CACNA2D3: variants seen among roughly 807,000 people sequenced by gnomAD.
CACNA2D3 encodes the protein calcium voltage-gated channel auxiliary subunit alpha2delta 3, also known as voltage-dependent calcium channel subunit alpha-2/delta-3.
A neutral mutation model predicts 160.6 loss-of-function variants in CACNA2D3; 60 were observed. The observed-to-expected ratio is 0.37, with a 90% confidence interval of 0.30 to 0.46. The LOEUF is 0.46. Ranked by LOEUF, CACNA2D3 falls within the 20% of genes least tolerant of loss-of-function variation. The probability of loss-of-function intolerance (pLI) is 1.00; values close to 1 mark genes in which losing one functional copy is unlikely to be tolerated. For synonymous variants in CACNA2D3, 558 were observed against 492.9 expected (o/e 1.13, Z -1.75); for missense variants, 1,205 against 1,365.0 (o/e 0.88, Z 1.85).
At chr3:54,540,355 C>G (rs943887980) in intron 5 of CACNA2D3, among the ~76,000 whole-genome samples, 9 of 152,178 alleles carry the variant, frequency 5.9e-5, no homozygotes, top group African/African-American at 2.2e-4. Flanking sequence ...TGCTGCTAAG[C>G]TTTTTAAAAA....
At chr3:54,620,746 G>A (rs1368524238) in intron 9 of CACNA2D3, among the ~76,000 whole-genome samples, 3 of 152,162 alleles carry the variant, frequency 2.0e-5, no homozygotes, top group South Asian at 2.1e-4. Flanking sequence ...GGCCCTGGGC[G>A]CTGTGAAGGG....
chr3:54,640,278 T>C (rs1452701815), intron 10 of CACNA2D3, among the ~76,000 whole-genome samples: 1 of 152,232 alleles, frequency 6.6e-6, no homozygotes, highest in Non-Finnish European at 1.5e-5. Flanking sequence ...GTGTGGGCAC[T>C]TAGCAAATAA....
intron 2 of CACNA2D3, among the ~76,000 whole-genome samples, chr3:54,205,977 T>C (rs537442970): frequency 1.3e-5 from 2 of 152,348 alleles, no homozygotes; most frequent in Admixed American, 6.5e-5. Context: ...TGGTGTTTAT[T>C]TGAAGTTTAA....
chr3:54,526,783 T>G (rs1015876111), intron 5 of CACNA2D3, among the ~76,000 whole-genome samples: 1 of 152,178 alleles, frequency 6.6e-6, no homozygotes, highest in Admixed American at 6.5e-5. Flanking sequence ...CTCCACCTCC[T>G]GGGTTCAAGT....
chr3:55,012,971 T>G (rs13323048), intron 34 of CACNA2D3, among the ~76,000 whole-genome samples: 1 of 152,050 alleles, frequency 6.6e-6, no homozygotes, highest in African/African-American at 2.4e-5. Flanking sequence ...AATAATATGG[T>G]GCTTCAGTTC....
chr3:54,434,163 G>A (rs900181630), intron 4 of CACNA2D3, among the ~76,000 whole-genome samples: 38 of 152,182 alleles, frequency 2.5e-4, no homozygotes, highest in African/African-American at 9.2e-4. Context: ...CTAGTGAAAC[G>A]AGCCTCCACT....
intron 27 of CACNA2D3, chr3:54,924,710 A>T (rs1228808653): frequency 1.2e-6 from 2 of 1,613,988 alleles, no homozygotes; most frequent in African/African-American, 1.3e-5. Flanking sequence ...AAAGCCTCAC[A>T]CTGGGCATGG....
intron 2 of CACNA2D3, among the ~76,000 whole-genome samples, chr3:54,159,945 C>A (rs920904540): frequency 6.6e-6 from 1 of 152,150 alleles, no homozygotes; most frequent in African/African-American, 2.4e-5. Context: ...AGATAACATA[C>A]AATTATTATT....
At chr3:54,847,812 C>T (rs1423261782) in intron 17 of CACNA2D3, among the ~76,000 whole-genome samples, 1 of 152,166 alleles carries the variant, frequency 6.6e-6, no homozygotes, top group Non-Finnish European at 1.5e-5. Flanking sequence ...GCACATTACC[C>T]ATCTCCAGGT....
intron 18 of CACNA2D3, 104 bp downstream of exon 18, chr3:54,871,726 C>A: frequency 1.3e-6 from 1 of 793,930 alleles, no homozygotes; most frequent in Non-Finnish European, 2.1e-6. Flanking sequence ...ACTGAAGGGA[C>A]ACCTGGCTAC....
intron 2 of CACNA2D3, among the ~76,000 whole-genome samples, chr3:54,261,890 A>G (rs571337283): frequency 6.6e-6 from 1 of 152,120 alleles, no homozygotes; most frequent in Non-Finnish European, 1.5e-5. Context: ...CGTGGTCCCC[A>G]TACTTCCCCC....
chr3:54,319,292 A>G (rs183647284), intron 2 of CACNA2D3, among the ~76,000 whole-genome samples: 60 of 152,224 alleles, frequency 3.9e-4, no homozygotes, highest in Non-Finnish European at 6.8e-4. Context: ...ATGTAGATTT[A>G]TATCTCAAAA....
At chr3:54,609,848 T>C (rs1698713172) in intron 9 of CACNA2D3, among the ~76,000 whole-genome samples, 1 of 152,214 alleles carries the variant, frequency 6.6e-6, no homozygotes, top group Non-Finnish European at 1.5e-5. Flanking sequence ...AATGTTGTTG[T>C]GTACATTTTC....
At chr3:55,021,160 T>G (rs576659402) in intron 35 of CACNA2D3, among the ~76,000 whole-genome samples, 222 of 152,290 alleles carry the variant, frequency 1.5e-3, no homozygotes, top group African/African-American at 5.1e-3. Flanking sequence ...GTGTATACAT[T>G]TACAACTATG....
intron 11 of CACNA2D3, among the ~76,000 whole-genome samples, chr3:54,647,686 A>G (rs529049374): frequency 3.3e-5 from 5 of 152,338 alleles, no homozygotes; most frequent in African/African-American, 1.2e-4. Flanking sequence ...AAAGCTGCCT[A>G]CCATCCAACA....
At chr3:54,137,276 G>A (rs758021148) in intron 2 of CACNA2D3, among the ~76,000 whole-genome samples, 1 of 152,190 alleles carries the variant, frequency 6.6e-6, no homozygotes, top group African/African-American at 2.4e-5. Context: ...CCACATACAC[G>A]TCTGCTTGTT....
intron 14 of CACNA2D3, among the ~76,000 whole-genome samples, chr3:54,832,192 T>G (rs946113307): frequency 6.6e-6 from 1 of 152,122 alleles, no homozygotes; most frequent in Non-Finnish European, 1.5e-5. Flanking sequence ...TTGCTCCTGG[T>G]TAGAAAAAGA....
intron 2 of CACNA2D3, among the ~76,000 whole-genome samples, chr3:54,180,978 T>A (rs943673824): frequency 5.3e-5 from 8 of 152,216 alleles, no homozygotes; most frequent in African/African-American, 1.9e-4. Flanking sequence ...GACCATCTGG[T>A]TGCCCTTGTC....
At chr3:54,440,336 C>T (rs1575455792) in intron 4 of CACNA2D3, among the ~76,000 whole-genome samples, 1 of 152,210 alleles carries the variant, frequency 6.6e-6, no homozygotes, top group East Asian at 1.9e-4. Flanking sequence ...CTGGAGGAAG[C>T]CCACCCTAAC....
Sources: allele counts gnomAD v4.1 joint callset (sites outside exome capture counted in the v4.1 genomes callset), GRCh38; gene constraint gnomAD v4.1.1; transcripts MANE v1.5; gene names NCBI Gene and HGNC (gene_info 2026-07-23, HGNC 2026-07-21).